Variants in MINK1 observed in about 807,000 individuals in gnomAD.
MINK1 encodes the protein misshapen-like kinase 1.
Under a neutral mutation model 178.4 loss-of-function variants are expected in MINK1, and 46 were observed. The observed-to-expected ratio is 0.26, with a 90% CI of 0.20 to 0.33. The LOEUF is 0.33. MINK1 is among the 10% of genes least tolerant of loss of function. The pLI, the probability that MINK1 is intolerant of heterozygous loss-of-function variation, is 1.00. For synonymous variants in MINK1, 797 were observed against 709.7 expected, an observed-to-expected ratio of 1.12 and a Z score of -1.96; for missense variants, 1,366 against 1,814.9, an observed-to-expected ratio of 0.75 and a Z score of 4.49.
In MINK1 at chr17:4,890,611, A is replaced by G. The variant is rs1166141414; in HGVS notation, c.1442A>G (p.Gln481Arg). ...CATGCCTACCTCAAGTCCCTGCAGC[A>G]GCAGCAACAGCAGCAGCAGCTTCAG... ...QEHAYLKSLQ[Q>R]QQQQQQLQKQ... The change falls in exon 14 of 32, where the codon CAG becomes CGG. Residue 481 changes from glutamine to arginine, a missense_variant. Transcript: ENST00000355280. 6.4e-7 allele frequency: 1 copy of G among 1,558,656 alleles called. No individual in the cohort carries two copies. The highest frequency in any genetic ancestry group is 1.2e-5 in the South Asian group (1 of 84,466).
intron 1 of MINK1, among the ~76,000 whole-genome samples, chr17:4,851,663 C>G (rs1001322049): frequency 2.0e-5 from 3 of 152,112 alleles, no homozygotes; most frequent in African/African-American, 7.2e-5. Flanking sequence ...TTAGTGTTCC[C>G]GTGTGGTTTT....
chr17:4,897,275 C>G lies in MINK1; in HGVS notation c.3987C>G (p.Ile1329Met). 2 of 1,613,748 alleles carry G rather than the reference C, an allele frequency of 1.2e-6. No individual in the cohort carries two copies. The highest frequency in any genetic ancestry group is 1.7e-6 in the Non-Finnish European group (2 of 1,179,738). The change falls in exon 32 of 32, where the codon ATC becomes ATG. Residue 1329 changes from isoleucine to methionine, a missense_variant. By Grantham distance (10) the Ile-to-Met change is conservative. Coordinates refer to ENST00000355280, the MANE Select transcript of MINK1 (RefSeq NM_153827.5). ...VYFMTLNRNC[I>M]MNW The stretch of plus-strand genomic sequence containing the variant: ...TCATGACTCTGAACCGTAACTGCAT[C>G]ATGAACTGGTGACGGGGCCCTGGGC...
At chr17:4,839,081 C>A (rs1022389044) in intron 1 of MINK1, among the ~76,000 whole-genome samples, 1 of 151,928 alleles carries the variant, frequency 6.6e-6, no homozygotes, top group Non-Finnish European at 1.5e-5. Context: ...GTAGCTGGGA[C>A]TATAGGCGCC....
Position 4,895,098 on chromosome 17 carries a change from C to T in MINK1, c.2941C>T (p.Arg981Trp), listed in dbSNP as rs1364162614. The change falls in exon 25 of 32, where the codon CGG (arginine) becomes TGG (tryptophan). Residue 981 changes from arginine to tryptophan, a missense_variant. Physicochemically the swap from Arg to Trp is moderately radical, Grantham distance 101. This residue lies in a region of MINK1 where 709 missense variants were observed against 692.3 expected (regional missense o/e 1.02). Coordinates refer to ENST00000355280, the MANE Select transcript of MINK1 (RefSeq NM_153827.5). This position sits in a 1 kb window ranked among gnomAD's most constrained non-coding sequence, Gnocchi z 4.3. ...ITALVGGEGT[R>W]LDQLQYDVRK... Reference sequence around the variant, plus strand: ...AGCCCTAGTGGGTGGAGAGGGCACTCGGCTCGACCAGCTGCAGTACGACGT... The same window carrying T: ...AGCCCTAGTGGGTGGAGAGGGCACTTGGCTCGACCAGCTGCAGTACGACGT... 1.2e-5 allele frequency: 20 copies of T among 1,613,440 alleles called. No individual in the cohort carries two copies. Among genetic ancestry groups the T allele is most frequent in the Non-Finnish European group, 1.4e-5 (17 of 1,179,994 alleles).
chr17:4,870,213 ATT>A (rs758815938), intron 1 of MINK1, among the ~76,000 whole-genome samples: 8,490 of 123,450 alleles, frequency 0.069, 620 homozygotes, highest in African/African-American at 0.19. Flanking sequence ...CGCCCGGCCA[ATT>A]TTTTTTTTTT....
intron 1 of MINK1, among the ~76,000 whole-genome samples, chr17:4,850,237 A>G (rs1911724460): frequency 6.6e-6 from 1 of 152,190 alleles, no homozygotes; most frequent in South Asian, 2.1e-4. Flanking sequence ...GAATGAATGC[A>G]TGAGCTGGCT....
intron 1 of MINK1, among the ~76,000 whole-genome samples, chr17:4,863,945 C>T (rs1234936883): frequency 2.6e-5 from 4 of 152,050 alleles, no homozygotes; most frequent in East Asian, 2.0e-4. Context: ...TGTGCCACCA[C>T]GCCCAGCTAA....
In MINK1 at chr17:4,881,189, C is replaced by T; in HGVS notation, c.238C>T (p.Arg80Cys). The change falls in exon 4 of 32, where the codon CGC (arginine) becomes TGC (cysteine). Residue 80 changes from arginine to cysteine, a missense_variant. This residue lies in a region of MINK1 where 109 missense variants were observed against 369.4 expected (regional missense o/e 0.30). Transcript: ENST00000355280. ...CATGCTGAAAAAGTACTCTCACCAC[C>T]GCAACATCGCCACCTACTACGGAGC... ...INMLKKYSHH[R>C]NIATYYGAFI... The T allele has an allele frequency of 3.3e-6, 5 of 1,537,184 alleles. No individual in the cohort carries two copies. The highest frequency in any genetic ancestry group is 4.9e-5 in the East Asian group (2 of 40,898).
Position 4,895,417 on chromosome 17 carries a change from G to A in MINK1, c.3153G>A (p.Val1051=), listed in dbSNP as rs1969345039. The A allele has an allele frequency of 6.2e-7, 1 of 1,610,674 alleles. No individual in the cohort carries two copies. The highest frequency in any genetic ancestry group is 8.5e-7 in the Non-Finnish European group (1 of 1,178,008). The change falls in exon 26 of 32, where the codon GTG becomes GTA. Residue 1051 remains valine (V), a synonymous_variant. Transcript: ENST00000355280. This position sits in a 1 kb window ranked among gnomAD's most constrained non-coding sequence, Gnocchi z 4.3. ...TGGACCGAAGTGGGCAGGGCAAGGT[G>A]TATGGACTCATTGGGCGGCGACGCT... ...MLLDRSGQGK[V]YGLIGRRRFQ...
chr17:4,885,656 G>T lies in MINK1; in HGVS notation c.639+43G>T. On this transcript the variant is annotated intron_variant, in intron 7 of 31. Coordinates refer to ENST00000355280, the MANE Select transcript of MINK1 (RefSeq NM_153827.5). The surrounding 1 kb of genome is among the most constrained non-coding windows in gnomAD (Gnocchi z 5.0). ...GGGAGCATGGGGGCTGCCAAGGGCGGGAAGCAATATGGGGACCACGGGGCC... is the reference window on the plus strand; with the variant it reads ...GGGAGCATGGGGGCTGCCAAGGGCGTGAAGCAATATGGGGACCACGGGGCC... 6.2e-7 allele frequency: 1 copy of T among 1,611,752 alleles called. No homozygotes were observed. Among genetic ancestry groups the T allele is most frequent in the Non-Finnish European group, 8.5e-7 (1 of 1,178,604 alleles).
intron 1 of MINK1, among the ~76,000 whole-genome samples, chr17:4,844,202 T>C (rs963008964): frequency 2.0e-5 from 3 of 152,058 alleles, no homozygotes; most frequent in Admixed American, 2.0e-4. Flanking sequence ...GGTTTCACCA[T>C]GTTGGTCAGG....
intron 1 of MINK1, among the ~76,000 whole-genome samples, chr17:4,868,112 G>T (rs1915316413): frequency 6.6e-6 from 1 of 151,598 alleles, no homozygotes; most frequent in Non-Finnish European, 1.5e-5. Flanking sequence ...GAGTAGCTGG[G>T]ACTACAGGCA....
chr17:4,888,860 G>A (rs1968484809), intron 12 of MINK1, among the ~76,000 whole-genome samples: 1 of 151,916 alleles, frequency 6.6e-6, no homozygotes, highest in South Asian at 2.1e-4. Flanking sequence ...ACCACGCCCG[G>A]CTAATTTTGT....
Position 4,891,448 on chromosome 17 carries a change from C to T in MINK1, c.1741-8C>T. Reference sequence around the variant, plus strand: ...AGGCAGCCCACCCTCCCTGGTCTCTCCCTGCAGAGCCTGGTGGCACACCGG... The same window carrying T: ...AGGCAGCCCACCCTCCCTGGTCTCTTCCTGCAGAGCCTGGTGGCACACCGG... On this transcript the variant is annotated splice_region_variant and splice_polypyrimidine_tract_variant and intron_variant, in intron 15 of 31. Coordinates refer to ENST00000355280, the MANE Select transcript of MINK1 (RefSeq NM_153827.5). 2 of 1,560,984 alleles carry T rather than the reference C, an allele frequency of 1.3e-6. No homozygotes were observed. Among genetic ancestry groups the T allele is most frequent in the East Asian group, 2.3e-5 (1 of 44,166 alleles).
At chr17:4,893,735 G>A in intron 21 of MINK1, 138 bp downstream of exon 21, 1 of 1,275,434 alleles carries the variant, frequency 7.8e-7, no homozygotes, top group Non-Finnish European at 1.1e-6. Context: ...GAGGGTGCAG[G>A]TTCCTGTCTC....
chr17:4,854,189 G>A (rs1280625412), intron 1 of MINK1, among the ~76,000 whole-genome samples: 1 of 152,140 alleles, frequency 6.6e-6, no homozygotes, highest in Non-Finnish European at 1.5e-5. Context: ...ACCAGCGCAA[G>A]GCTGCTTGAA....
In MINK1 at chr17:4,886,698, C is replaced by T. The variant is rs555294224; in HGVS notation, c.949+72C>T. ...CTGGCTCCTCTCTGCCAGCCCTGCT[C>T]GCTCCTGGCACCCCTTCCTGCTCCC... is the stretch of plus-strand genomic sequence containing the variant. On this transcript the variant is annotated intron_variant, in intron 10 of 31. Transcript: ENST00000355280. The surrounding 1 kb of genome is among the most constrained non-coding windows in gnomAD (Gnocchi z 6.1). 60 of 1,434,418 alleles carry T rather than the reference C, an allele frequency of 4.2e-5. No homozygotes were observed. In the African/African-American group the frequency reaches 4.9e-4, roughly 12 times the overall value. 88.9% of individuals were successfully genotyped at this position (1,434,418 alleles called of 1,614,324 possible).
intron 1 of MINK1, among the ~76,000 whole-genome samples, chr17:4,856,349 G>A (rs1470724184): frequency 6.6e-6 from 1 of 152,082 alleles, no homozygotes; most frequent in African/African-American, 2.4e-5. Context: ...GTAGGAAGGA[G>A]GTGATCTTAT....
rs780046264 is a variant in MINK1 at position 4,885,663 on chromosome 17, A to T, written c.639+50A>T. The T allele has an allele frequency of 1.1e-5, 18 of 1,609,914 alleles. No individual in the cohort carries two copies. In the South Asian group the frequency reaches 2.0e-4, roughly 18 times the overall value. On this transcript the variant is annotated intron_variant, in intron 7 of 31. Coordinates refer to ENST00000355280, the MANE Select transcript of MINK1 (RefSeq NM_153827.5). This position sits in a 1 kb window ranked among gnomAD's most constrained non-coding sequence, Gnocchi z 5.0. The stretch of plus-strand genomic sequence containing the variant: ...TGGGGGCTGCCAAGGGCGGGAAGCA[A>T]TATGGGGACCACGGGGCCTGAGCAG...
Sources: allele counts gnomAD v4.1 joint callset (sites outside exome capture counted in the v4.1 genomes callset), GRCh38; gene constraint gnomAD v4.1.1; regional missense constraint gnomAD v4.1.1; non-coding constraint Gnocchi (gnomAD v3.1); transcripts MANE v1.5; gene names NCBI Gene and HGNC (gene_info 2026-07-23, HGNC 2026-07-21).